Variants in CDC25A observed in about 807,000 individuals in gnomAD.
CDC25A encodes M-phase inducer phosphatase 1.
A neutral mutation model predicts 64.6 loss-of-function variants in CDC25A; 17 were observed. The ratio of observed to expected loss-of-function variants is 0.26; its 90% CI spans 0.18 to 0.39. The LOEUF is 0.39. Ranked by LOEUF, CDC25A falls within the 10% of genes least tolerant of loss-of-function variation. The probability of loss-of-function intolerance (pLI) is 1.00; values close to 1 mark genes in which losing one functional copy is unlikely to be tolerated. For synonymous variants in CDC25A, 229 were observed against 238.6 expected, an observed-to-expected ratio of 0.96 and a Z score of 0.37; for missense variants, 473 against 654.8, an observed-to-expected ratio of 0.72 and a Z score of 3.03.
At chr3:48,182,315 T>C (rs933272082) in intron 5 of CDC25A, among the ~76,000 whole-genome samples, 1 of 152,168 alleles carries the variant, frequency 6.6e-6, no homozygotes, top group Non-Finnish European at 1.5e-5. Context: ...AGTAAATATA[T>C]AGAAATACAG....
intron 13 of CDC25A, among the ~76,000 whole-genome samples, chr3:48,163,219 G>C (rs1343387604): frequency 1.3e-5 from 2 of 149,742 alleles, no homozygotes; most frequent in African/African-American, 4.9e-5. Flanking sequence ...GGAGGTGGAG[G>C]TTGCAGTGAG....
chr3:48,158,207 T>A lies in CDC25A; in HGVS notation c.*738A>T, dbSNP rs2031600374. On this transcript the variant is annotated 3_prime_UTR_variant, in exon 15 of 15. Coordinates refer to ENST00000302506, the MANE Select transcript of CDC25A (RefSeq NM_001789.3). ...GTGGGTCTGGGAGATTTAGCTTATGTCAGGCAGCCAAGCCTGGGTCCAACG... is the reference window on the plus strand; with the variant it reads ...GTGGGTCTGGGAGATTTAGCTTATGACAGGCAGCCAAGCCTGGGTCCAACG... The A allele has an allele frequency of 6.6e-6, 1 of 152,626 alleles. No homozygotes were observed. The highest frequency in any genetic ancestry group is 1.5e-5 in the Non-Finnish European group (1 of 68,056). 9.5% of individuals were successfully genotyped at this position (152,626 alleles called of 1,614,324 possible). A position where few individuals can be genotyped will look rare whatever the true frequency, so the allele number is the denominator to read the frequency against.
intron 9 of CDC25A, among the ~76,000 whole-genome samples, chr3:48,172,266 A>G (rs952972393): frequency 6.6e-6 from 1 of 152,254 alleles, no homozygotes; most frequent in African/African-American, 2.4e-5. Context: ...CTTTAAAAAC[A>G]TTCATAAAGC....
In CDC25A at chr3:48,164,473, T is replaced by C. The variant is rs766502853; in HGVS notation, c.1192-36A>G. The C allele has an allele frequency of 5.5e-6, 8 of 1,463,306 alleles. No homozygotes were observed. The South Asian group carries it at 1.0e-4, about 19-fold the overall frequency. The allele number at this position is 1,463,306 out of a possible 1,614,324, so 90.6% of individuals were successfully genotyped here. A position where few individuals can be genotyped will look rare whatever the true frequency, so the allele number is the denominator to read the frequency against. On this transcript the variant is annotated intron_variant, in intron 12 of 14. Transcript: ENST00000302506. ...AACAGAGACCCTTGGAACCTGCACG[T>C]TTCACACATGAAGTAATGATTCAGC...
intron 13 of CDC25A, chr3:48,161,189 A>C (rs549376525): frequency 1.3e-5 from 2 of 151,024 alleles, no homozygotes; most frequent in Non-Finnish European, 2.9e-5. Flanking sequence ...TTCACCTGTG[A>C]ATCCCAAATC....
chr3:48,184,752 T>A, intron 2 of CDC25A, 57 bp from the exon 3 acceptor site: 1 of 1,296,098 alleles, frequency 7.7e-7, no homozygotes, highest in Non-Finnish European at 1.1e-6. Flanking sequence ...ATTTTGTCAT[T>A]AAAATTAAAA....
At chr3:48,164,805 G>A (rs760908292) in intron 12 of CDC25A, among the ~76,000 whole-genome samples, 9 of 151,860 alleles carry the variant, frequency 5.9e-5, no homozygotes, top group African/African-American at 1.5e-4. Context: ...ACTATTAATC[G>A]GGTAAAACAT....
chr3:48,188,320 G>A lies in CDC25A; in HGVS notation c.-373C>T, dbSNP rs867680233. On this transcript the variant is annotated 5_prime_UTR_variant, in exon 1 of 15. Coordinates refer to ENST00000302506, the MANE Select transcript of CDC25A (RefSeq NM_001789.3). ...CGCTGTCTTCGCTGTTCTCCCACCCGCTTGCCCAGCTCCGGGTAGCAGAAA... is the reference window on the plus strand; with the variant it reads ...CGCTGTCTTCGCTGTTCTCCCACCCACTTGCCCAGCTCCGGGTAGCAGAAA... 1.4e-4 allele frequency: 26 copies of A among 183,436 alleles called. No individual in the cohort carries two copies. The highest frequency in any genetic ancestry group is 2.0e-3 in the Middle Eastern group (1 of 508). 11.4% of individuals were successfully genotyped at this position (183,436 alleles called of 1,614,324 possible).
chr3:48,168,360 CCA>C (rs58104019), intron 9 of CDC25A, among the ~76,000 whole-genome samples: 9,676 of 106,386 alleles, frequency 0.091, 427 homozygotes, highest in Non-Finnish European at 0.11. Context: ...AAGACCCTGT[CCA>C]CACACACACA....
Position 48,180,580 on chromosome 3 carries a change from T to C in CDC25A, c.549+141A>G, listed in dbSNP as rs2032627704. The C allele has an allele frequency of 6.1e-6, 5 of 825,870 alleles. No individual in the cohort carries two copies. The South Asian group carries it at 8.0e-5, about 13-fold the overall frequency. The allele number at this position is 825,870 out of a possible 1,614,324, so 51.2% of individuals were successfully genotyped here. On this transcript the variant is annotated intron_variant, in intron 6 of 14. Transcript: ENST00000302506. ...CCAGACACAGCAAAACCACCAAGAA[T>C]GCTTGACAGTCTAATTTCAAAAGAC...
At chr3:48,187,715 G>T in intron 1 of CDC25A, 63 bp downstream of exon 1, 1 of 1,456,518 alleles carries the variant, frequency 6.9e-7, no homozygotes, top group Non-Finnish European at 9.2e-7. Context: ...TTCCTGGCCT[G>T]ATCTCTCCGA....
At chr3:48,185,973 C>T (rs2032829818) in intron 2 of CDC25A, among the ~76,000 whole-genome samples, 1 of 152,142 alleles carries the variant, frequency 6.6e-6, no homozygotes, top group African/African-American at 2.4e-5. Flanking sequence ...GATCTTTGCA[C>T]CAATGGTCTT....
intron 5 of CDC25A, 147 bp downstream of exon 5, chr3:48,182,782 G>T: frequency 1.7e-6 from 1 of 596,652 alleles, no homozygotes; most frequent in Non-Finnish European, 3.1e-6. Context: ...CTAGTAAGCA[G>T]GATCCAAACC....
intron 12 of CDC25A, 41 bp downstream of exon 12, chr3:48,165,595 T>C: frequency 7.2e-7 from 1 of 1,390,742 alleles, no homozygotes; most frequent in Non-Finnish European, 1.0e-6. Context: ...CCACAGATCC[T>C]GTTTAGGGCT....
At chr3:48,162,897 A>G (rs911450194) in intron 13 of CDC25A, among the ~76,000 whole-genome samples, 19 of 152,012 alleles carry the variant, frequency 1.2e-4, no homozygotes, top group Non-Finnish European at 2.2e-4. Flanking sequence ...CATGCCTGCA[A>G]TCCTAGCACT....
chr3:48,181,706 A>G (rs878951927), intron 5 of CDC25A: 3 of 843,940 alleles, frequency 3.6e-6, no homozygotes, highest in Admixed American at 1.7e-5. Flanking sequence ...GCGACCCAAT[A>G]AAGAAGTTAC....
chr3:48,165,536 T>G (rs2031979501), intron 12 of CDC25A, 100 bp downstream of exon 12: 1 of 755,084 alleles, frequency 1.3e-6, no homozygotes, highest in Non-Finnish European at 2.3e-6. Context: ...TTCTAACAAC[T>G]AGCATATGAG....
At chr3:48,172,634 G>A (rs772263249) in intron 9 of CDC25A, among the ~76,000 whole-genome samples, 7 of 152,196 alleles carry the variant, frequency 4.6e-5, no homozygotes, top group African/African-American at 1.7e-4. Flanking sequence ...AGGCCAAGGC[G>A]GGAGGATTGC....
chr3:48,163,379 C>T (rs904715159), intron 13 of CDC25A, among the ~76,000 whole-genome samples: 8 of 150,808 alleles, frequency 5.3e-5, no homozygotes, highest in African/African-American at 1.5e-4. Context: ...CTGAGGCAGG[C>T]GGATCACCTA....
Sources: allele counts gnomAD v4.1 joint callset (sites outside exome capture counted in the v4.1 genomes callset), GRCh38; gene constraint gnomAD v4.1.1; transcripts MANE v1.5; gene names NCBI Gene and HGNC (gene_info 2026-07-23, HGNC 2026-07-21).